C12orf42: variants seen among roughly 807,000 people sequenced by gnomAD.
The protein encoded by C12orf42 is chromosome 12 open reading frame 42.
Under a neutral mutation model 21.6 loss-of-function variants are expected in C12orf42, and 25 were observed. The observed-to-expected ratio is 1.16, with a 90% CI of 0.84 to 1.62. The LOEUF (loss-of-function observed/expected upper bound fraction) is 1.62. C12orf42 is among the 40% of genes most tolerant of loss of function. The pLI is 0.00. For missense variants in C12orf42, 483 were observed against 459.3 expected, an observed-to-expected ratio of 1.05 and a Z score of -0.47; for synonymous variants, 174 against 175.0, an observed-to-expected ratio of 0.99 and a Z score of 0.05.
chr12:103,322,005 T>A (rs2136885755), intron 4 of C12orf42, among the ~76,000 whole-genome samples: 1 of 152,182 alleles, frequency 6.6e-6, no homozygotes, highest in Admixed American at 6.5e-5. Flanking sequence ...CCCTAAAACT[T>A]AAAGTATAAT....
intron 10 of C12orf42, among the ~76,000 whole-genome samples, chr12:103,257,601 C>A (rs929619193): frequency 4.2e-4 from 58 of 136,820 alleles, no homozygotes; most frequent in African/African-American, 1.8e-3. Flanking sequence ...AAAATGAAGA[C>A]TAAACTAGGA....
intron 2 of C12orf42, among the ~76,000 whole-genome samples, chr12:103,433,726 A>T (rs145373855): frequency 4.9e-4 from 75 of 152,386 alleles, no homozygotes; most frequent in African/African-American, 1.5e-3. Flanking sequence ...CAATATATGC[A>T]GAATGTGCAA....
intron 4 of C12orf42, among the ~76,000 whole-genome samples, chr12:103,282,250 A>G (rs993786478): frequency 6.6e-6 from 1 of 152,222 alleles, no homozygotes; most frequent in Non-Finnish European, 1.5e-5. Context: ...ACAAATACAT[A>G]AAGACCTTGT....
the C12orf42 span, among the ~76,000 whole-genome samples, chr12:103,224,780 G>A: frequency 2.0e-5 from 3 of 152,136 alleles, no homozygotes; most frequent in African/African-American, 7.2e-5. Context: ...ACAGACATGA[G>A]GGCTAGGCTA....
At chr12:103,443,501 A>C (rs973269464) in intron 2 of C12orf42, among the ~76,000 whole-genome samples, 1 of 152,096 alleles carries the variant, frequency 6.6e-6, no homozygotes, top group Non-Finnish European at 1.5e-5. Flanking sequence ...ATTGGAGACT[A>C]TTGTGAATGG....
At chr12:103,476,737 G>T (rs10861022) in intron 2 of C12orf42, among the ~76,000 whole-genome samples, 87,178 of 152,004 alleles carry the variant, frequency 0.57, 26,580 homozygotes, top group Admixed American at 0.69. Flanking sequence ...ATAGCAAGTT[G>T]TCCATAAATG....
chr12:103,117,876 A>T, the C12orf42 span, among the ~76,000 whole-genome samples: 1 of 152,254 alleles, frequency 6.6e-6, no homozygotes, highest in Admixed American at 6.5e-5. Flanking sequence ...TTAGCCTCAT[A>T]GTCTTTGAAA....
the C12orf42 span, among the ~76,000 whole-genome samples, chr12:103,546,613 T>G: frequency 1.3e-5 from 2 of 152,146 alleles, no homozygotes; most frequent in Admixed American, 1.3e-4. Flanking sequence ...TTGATGGAAG[T>G]CATTGTAGAA....
chr12:103,243,356 A>C (rs77942443), intron 10 of C12orf42, among the ~76,000 whole-genome samples: 2,957 of 152,170 alleles, frequency 0.019, 108 homozygotes, highest in African/African-American at 0.067. Flanking sequence ...TGTATATGAA[A>C]GTAAGTAAAA....
chr12:103,235,591 T>A (rs1355564202), downstream of C12orf42, among the ~76,000 whole-genome samples: 1 of 152,180 alleles, frequency 6.6e-6, no homozygotes, highest in African/African-American at 2.4e-5. Flanking sequence ...TCCTCATGTG[T>A]TTATGCATAG....
the C12orf42 span, among the ~76,000 whole-genome samples, chr12:103,533,099 T>C: frequency 3.3e-5 from 5 of 152,226 alleles, no homozygotes; most frequent in African/African-American, 1.2e-4. Context: ...CATTTCATAA[T>C]ACTAACGATA....
chr12:103,531,341 G>T, the C12orf42 span, among the ~76,000 whole-genome samples: 1 of 152,054 alleles, frequency 6.6e-6, no homozygotes, highest in African/African-American at 2.4e-5. Flanking sequence ...GATCAAAAAG[G>T]GTCCTAAAAT....
chr12:103,462,096 G>GTTTTTTTTTTTTTTTTTTATTTTTTTTTT (rs1952755030), intron 2 of C12orf42, among the ~76,000 whole-genome samples: 1 of 27,724 alleles, frequency 3.6e-5, no homozygotes, highest in African/African-American at 1.4e-4. Context: ...TTTTTGCTTG[G>GTTTTTTTTTTTTTTTTTTATTTTTTTTTT]TTTTTTTTTT....
the C12orf42 span, among the ~76,000 whole-genome samples, chr12:103,133,140 G>A: frequency 1.3e-5 from 2 of 152,100 alleles, no homozygotes; most frequent in Non-Finnish European, 2.9e-5. Flanking sequence ...GGGACCTGAG[G>A]TTAGGCTCAT....
the C12orf42 span, among the ~76,000 whole-genome samples, chr12:103,066,532 C>T: frequency 6.6e-6 from 1 of 152,212 alleles, no homozygotes; most frequent in Non-Finnish European, 1.5e-5. Context: ...CAGACAGCTG[C>T]AGCACTATAG....
chr12:103,353,017 C>T (rs1416204588), intron 4 of C12orf42, among the ~76,000 whole-genome samples: 1 of 152,056 alleles, frequency 6.6e-6, no homozygotes, highest in African/African-American at 2.4e-5. Flanking sequence ...CTAACCAAGG[C>T]CCTAATCACC....
chr12:103,096,169 A>G, the C12orf42 span, among the ~76,000 whole-genome samples: 15 of 152,220 alleles, frequency 9.9e-5, no homozygotes, highest in Admixed American at 7.2e-4. Context: ...TGCTGCCGTA[A>G]AAAGCAATCA....
chr12:103,166,457 TTAA>T, the C12orf42 span, among the ~76,000 whole-genome samples: 3 of 152,216 alleles, frequency 2.0e-5, no homozygotes, highest in African/African-American at 7.2e-5. Context: ...TCAAAACAAG[TTAA>T]TGATGTAGGT....
At chr12:103,462,271 C>A (rs1952787272) in intron 2 of C12orf42, among the ~76,000 whole-genome samples, 1 of 151,150 alleles carries the variant, frequency 6.6e-6, no homozygotes, top group African/African-American at 2.4e-5. Flanking sequence ...CCACATCCGG[C>A]TAATTTTTTT....
Sources: allele counts gnomAD v4.1 joint callset (sites outside exome capture counted in the v4.1 genomes callset), GRCh38; gene constraint gnomAD v4.1.1; transcripts MANE v1.5; gene names NCBI Gene and HGNC (gene_info 2026-07-23, HGNC 2026-07-21).